Variants in DNAH7 observed in about 807,000 individuals in gnomAD.
DNAH7 encodes dynein axonemal heavy chain 7, also known as axonemal beta dynein heavy chain 7.
A neutral mutation model predicts 444.6 loss-of-function variants in DNAH7; 397 were observed. The observed-to-expected ratio is 0.89, with a 90% CI of 0.82 to 0.97. DNAH7 has a LOEUF of 0.97. DNAH7 is among the 50% of genes least tolerant of loss of function. The pLI is 0.00. For synonymous variants in DNAH7, 1,636 were observed against 1,624.4 expected, an observed-to-expected ratio of 1.01 and a Z score of -0.17; for missense variants, 4,902 against 4,800.8, an observed-to-expected ratio of 1.02 and a Z score of -0.62.
intron 7 of DNAH7, 35 bp downstream of exon 7, chr2:196,026,725 T>C (rs1072600): frequency 0.62 from 900,453 of 1,456,504 alleles, 287,452 homozygotes; most frequent in Non-Finnish European, 0.65. Context: ...GAGACACATA[T>C]TTGAATTAAA....
intron 22 of DNAH7, among the ~76,000 whole-genome samples, chr2:195,924,921 T>C (rs1688237946): frequency 6.6e-6 from 1 of 152,192 alleles, no homozygotes; most frequent in Non-Finnish European, 1.5e-5. Flanking sequence ...CATATCAATA[T>C]GCTCCAGTGG....
intron 55 of DNAH7, among the ~76,000 whole-genome samples, chr2:195,799,039 C>A (rs748375965): frequency 6.6e-6 from 1 of 152,014 alleles, no homozygotes; most frequent in Non-Finnish European, 1.5e-5. Context: ...AGTTTCCTGT[C>A]CCCCAACCCC....
chr2:196,023,400 A>C lies in DNAH7; in HGVS notation c.743+1029T>G, dbSNP rs555379325. On this transcript the variant is annotated intron_variant, in intron 8 of 64. Transcript: ENST00000312428. ...TCACCCAGTCTCTGGTATTTCTTTA[A>C]GGCAACATAAGAACTGCTTAACACA... is the stretch of plus-strand genomic sequence containing the variant. Among the ~76,000 whole-genome samples, 12 of 152,348 alleles carry C rather than the reference A, an allele frequency of 7.9e-5. No homozygotes were observed. The South Asian group carries it at 2.1e-3, about 26-fold the overall frequency.
chr2:195,984,955 G>A (rs187498722), intron 14 of DNAH7, among the ~76,000 whole-genome samples: 1 of 152,166 alleles, frequency 6.6e-6, no homozygotes, highest in East Asian at 1.9e-4. Context: ...TAGCATAATG[G>A]CCCTCAAGCA....
chr2:195,854,448 T>C (rs1199500338), intron 45 of DNAH7, among the ~76,000 whole-genome samples: 1 of 152,216 alleles, frequency 6.6e-6, no homozygotes, highest in Non-Finnish European at 1.5e-5. Flanking sequence ...TATAATTCTG[T>C]ATCAATTTAT....
At chr2:195,914,726 A>C (rs551525455) in intron 24 of DNAH7, among the ~76,000 whole-genome samples, 1 of 152,216 alleles carries the variant, frequency 6.6e-6, no homozygotes, top group East Asian at 1.9e-4. Context: ...TGCGGTGGCA[A>C]AATCTTGGCC....
chr2:195,988,278 TA>T, intron 12 of DNAH7, 49 bp from the exon 13 acceptor site: 3 of 1,422,830 alleles, frequency 2.1e-6, no homozygotes, highest in Non-Finnish European at 2.8e-6. Flanking sequence ...TTAAAGTAAC[TA>T]TATCATTTAT....
At chr2:195,830,396 A>C (rs1180067884) in intron 48 of DNAH7, among the ~76,000 whole-genome samples, 3 of 152,226 alleles carry the variant, frequency 2.0e-5, no homozygotes, top group Non-Finnish European at 4.4e-5. Context: ...GTGGTTTTTA[A>C]GTTATGAATT....
At chr2:196,061,002 T>C (rs1377075021) in intron 1 of DNAH7, among the ~76,000 whole-genome samples, 1 of 152,204 alleles carries the variant, frequency 6.6e-6, no homozygotes, top group Non-Finnish European at 1.5e-5. Context: ...ATTTATGGTA[T>C]ACAATGTGGT....
intron 36 of DNAH7, among the ~76,000 whole-genome samples, chr2:195,878,732 A>C (rs1042345438): frequency 1.3e-5 from 2 of 152,256 alleles, no homozygotes; most frequent in Non-Finnish European, 2.9e-5. Flanking sequence ...AATAGTTCTA[A>C]AACCAAAATC....
chr2:195,763,130 TA>T (rs1450699967), intron 61 of DNAH7, among the ~76,000 whole-genome samples: 1 of 152,034 alleles, frequency 6.6e-6, no homozygotes, highest in Non-Finnish European at 1.5e-5. Context: ...ATGAAGAAAC[TA>T]AAAAGGAAAT....
chr2:196,009,655 T>A (rs1694608737), intron 10 of DNAH7, among the ~76,000 whole-genome samples: 1 of 151,986 alleles, frequency 6.6e-6, no homozygotes, highest in Non-Finnish European at 1.5e-5. Flanking sequence ...AGGCAAAAAT[T>A]AACAAACAGG....
At chr2:195,848,722 GT>G (rs1415111625) in intron 46 of DNAH7, among the ~76,000 whole-genome samples, 2 of 152,288 alleles carry the variant, frequency 1.3e-5, no homozygotes, top group African/African-American at 4.8e-5. Flanking sequence ...AATTAGCTGG[GT>G]TTCACATGTT....
At chr2:195,825,404 ATTT>A (rs1259559752) in intron 48 of DNAH7, among the ~76,000 whole-genome samples, 2 of 152,132 alleles carry the variant, frequency 1.3e-5, no homozygotes, top group Non-Finnish European at 2.9e-5. Flanking sequence ...CATGCTAATT[ATTT>A]TTTTGACTTA....
Position 195,815,993 on chromosome 2 carries a change from A to G in DNAH7, c.9761+635T>C, listed in dbSNP as rs541093872. ...GGCGACAGAGTGAGCCTCCGTCTCA[A>G]AACAAAACAAAACAAAACAAAAACA... On this transcript the variant is annotated intron_variant, in intron 51 of 64. Transcript: ENST00000312428. Among the ~76,000 whole-genome samples, 214 of 152,284 alleles carry G rather than the reference A, an allele frequency of 1.4e-3. 1 individual carries two copies. The highest frequency in any genetic ancestry group is 5.1e-3 in the African/African-American group (211 of 41,572).
intron 48 of DNAH7, 67 bp downstream of exon 48, chr2:195,834,139 C>T (rs1253812778): frequency 2.2e-5 from 33 of 1,474,772 alleles, no homozygotes; most frequent in Non-Finnish European, 2.8e-5. Context: ...ACAATCTATA[C>T]AGTTTTGGGT....
At chr2:195,895,955 C>T (rs756366653) in intron 29 of DNAH7, among the ~76,000 whole-genome samples, 2 of 152,018 alleles carry the variant, frequency 1.3e-5, no homozygotes, top group Non-Finnish European at 2.9e-5. Flanking sequence ...TAAATCTATC[C>T]ACCTATTGAT....
chr2:195,924,324 G>A (rs552221505), intron 22 of DNAH7, among the ~76,000 whole-genome samples: 6 of 152,258 alleles, frequency 3.9e-5, no homozygotes, highest in South Asian at 4.1e-4. Context: ...AGGGCTGGGC[G>A]TGGAGGCCTA....
chr2:195,792,577 G>A (rs1695937470), intron 57 of DNAH7, among the ~76,000 whole-genome samples: 1 of 152,114 alleles, frequency 6.6e-6, no homozygotes, highest in African/African-American at 2.4e-5. Context: ...GACCAATGCT[G>A]TCAGGGACAG....
Sources: gnomAD v4.1 joint callset for allele counts (sites outside exome capture counted in the v4.1 genomes callset) on GRCh38, gnomAD v4.1.1 for gene constraint, MANE v1.5 for transcripts, NCBI Gene and HGNC (gene_info 2026-07-23, HGNC 2026-07-21) for gene names.